The following SORCS1 variants were observed in gnomAD, a reference collection of about 807,000 sequenced individuals.
SORCS1 encodes sortilin related VPS10 domain containing receptor 1, also known as VPS10 domain-containing receptor SorCS1.
A neutral mutation model predicts 146.1 loss-of-function variants in SORCS1; 60 were observed. The observed-to-expected ratio is 0.41, with a 90% CI of 0.33 to 0.51. SORCS1 has a LOEUF of 0.51. SORCS1 is among the 20% of genes least tolerant of loss of function. The pLI, the probability that SORCS1 is intolerant of heterozygous loss-of-function variation, is 0.21. For synonymous variants in SORCS1, 637 were observed against 584.0 expected (o/e 1.09, Z -1.31); for missense variants, 1,352 against 1,487.6 (o/e 0.91, Z 1.50).
intron 1 of SORCS1, among the ~76,000 whole-genome samples, chr10:106,997,692 G>C (rs987684655): frequency 6.6e-6 from 1 of 152,162 alleles, no homozygotes; most frequent in African/African-American, 2.4e-5. Context: ...TGTTTATATA[G>C]ACACTGTGGT....
At chr10:107,076,984 T>C (rs189109663) in intron 1 of SORCS1, among the ~76,000 whole-genome samples, 2 of 152,208 alleles carry the variant, frequency 1.3e-5, no homozygotes, top group Non-Finnish European at 2.9e-5. Flanking sequence ...TTACCTGTTA[T>C]GCTATTTCAA....
chr10:107,179,488 G>C, the SORCS1 span, among the ~76,000 whole-genome samples: 1 of 152,088 alleles, frequency 6.6e-6, no homozygotes, highest in Non-Finnish European at 1.5e-5. Flanking sequence ...TAAACCTCTT[G>C]AGAATGGCAT....
chr10:106,734,193 T>C (rs10786967), intron 5 of SORCS1, among the ~76,000 whole-genome samples: 65,874 of 151,936 alleles, frequency 0.43, 14,351 homozygotes, highest in African/African-American at 0.46. Context: ...TATGTTGAAC[T>C]AGGAAAATGA....
chr10:106,756,983 G>A (rs531849762), intron 5 of SORCS1, among the ~76,000 whole-genome samples: 11 of 152,190 alleles, frequency 7.2e-5, no homozygotes, highest in Middle Eastern at 6.8e-3. Context: ...CTGAGCCCCC[G>A]TCTCCTTGGC....
chr10:106,618,000 A>G, intron 21 of SORCS1, 149 bp downstream of exon 21: 1 of 993,984 alleles, frequency 1.0e-6, no homozygotes. Flanking sequence ...CTACAGGAGA[A>G]GATGAGACTC....
At chr10:106,671,149 T>C (rs912577364) in intron 16 of SORCS1, 88 bp downstream of exon 16, 46 of 1,564,484 alleles carry the variant, frequency 2.9e-5, no homozygotes, top group Non-Finnish European at 3.7e-5. Context: ...CCTATGTATG[T>C]TACTATTATT....
chr10:106,923,503 C>T (rs1227529023), intron 2 of SORCS1, among the ~76,000 whole-genome samples: 1 of 152,150 alleles, frequency 6.6e-6, no homozygotes, highest in Non-Finnish European at 1.5e-5. Context: ...TTGGATCTTA[C>T]AGTAAGATTA....
At position 107,118,616 on chromosome 10, in the gene SORCS1, C is replaced by T. The variant is rs550316075; in HGVS notation, c.558+45353G>A. Among the ~76,000 whole-genome samples, 10 of 152,216 alleles carry T rather than the reference C, an allele frequency of 6.6e-5. No individual in the cohort carries two copies. In the East Asian group the frequency reaches 1.5e-3, roughly 24 times the overall value. On this transcript the variant is annotated intron_variant, in intron 1 of 25. Transcript: ENST00000263054. ...AAATTACATAAAAGGATAAACAGAC[C>T]GATGGGTGACTATACAGATGAATTG... is the stretch of plus-strand genomic sequence containing the variant.
chr10:106,967,601 A>T (rs914677426), intron 1 of SORCS1, among the ~76,000 whole-genome samples: 1 of 152,162 alleles, frequency 6.6e-6, no homozygotes, highest in African/African-American at 2.4e-5. Flanking sequence ...GAATAGGGGG[A>T]GAAGCTGGCA....
At chr10:106,783,554 A>G (rs551798036) in intron 3 of SORCS1, among the ~76,000 whole-genome samples, 3 of 152,230 alleles carry the variant, frequency 2.0e-5, no homozygotes, top group Admixed American at 1.3e-4. Flanking sequence ...TCTCATAAAA[A>G]TATTGCCTAG....
At chr10:107,035,279 C>CCA (rs1958856932) in intron 1 of SORCS1, among the ~76,000 whole-genome samples, 1 of 128,626 alleles carries the variant, frequency 7.8e-6, no homozygotes, top group Admixed American at 7.9e-5. Context: ...AAAAAAACAA[C>CCA]AAAAAAAAAA....
intron 1 of SORCS1, among the ~76,000 whole-genome samples, chr10:107,121,390 A>G (rs1449611329): frequency 6.6e-6 from 1 of 152,216 alleles, no homozygotes; most frequent in Non-Finnish European, 1.5e-5. Flanking sequence ...GAGCAGAAGA[A>G]GCATCCCCAC....
chr10:106,817,371 AAAG>A (rs1178783627), intron 3 of SORCS1, among the ~76,000 whole-genome samples: 1 of 152,174 alleles, frequency 6.6e-6, no homozygotes, highest in Non-Finnish European at 1.5e-5. Context: ...CCCTTTTTAG[AAAG>A]TAGTAGAGAA....
intron 2 of SORCS1, among the ~76,000 whole-genome samples, chr10:106,912,177 C>T (rs1952199282): frequency 6.6e-6 from 1 of 151,822 alleles, no homozygotes; most frequent in Admixed American, 6.6e-5. Flanking sequence ...GCTTCTTCTG[C>T]CACTTTAGGT....
rs146386986 is a variant in SORCS1, at chr10:106,816,505, C to T, written c.726+13069G>A. ...ATACCCAGCTATGCCTAGGGCAGAACGGCCCTGCAATTTAGCAACAAATCA... is the reference window on the plus strand; with the variant it reads ...ATACCCAGCTATGCCTAGGGCAGAATGGCCCTGCAATTTAGCAACAAATCA... On this transcript the variant is annotated intron_variant, in intron 3 of 25. Coordinates refer to ENST00000263054, the MANE Select transcript of SORCS1 (RefSeq NM_052918.5). Among the ~76,000 whole-genome samples, 826 of 152,260 alleles carry T rather than the reference C, an allele frequency of 5.4e-3. 8 individuals are homozygous for T. Among genetic ancestry groups the T allele is most frequent in the African/African-American group, 0.019 (792 of 41,556 alleles).
intron 24 of SORCS1, among the ~76,000 whole-genome samples, chr10:106,592,188 C>G (rs1486560943): frequency 6.6e-6 from 1 of 152,158 alleles, no homozygotes; most frequent in Non-Finnish European, 1.5e-5. Flanking sequence ...AGAAACATAC[C>G]TGTCAGGAGT....
At chr10:107,080,948 C>T (rs933691011) in intron 1 of SORCS1, among the ~76,000 whole-genome samples, 5 of 152,094 alleles carry the variant, frequency 3.3e-5, no homozygotes, top group African/African-American at 1.2e-4. Context: ...TTAAGAGTTA[C>T]TGTGTTAAGT....
intron 10 of SORCS1, among the ~76,000 whole-genome samples, chr10:106,684,498 A>G (rs1216520931): frequency 6.6e-6 from 1 of 152,222 alleles, no homozygotes; most frequent in Non-Finnish European, 1.5e-5. Flanking sequence ...CATTGGACGC[A>G]GGTGGACCAT....
intron 2 of SORCS1, among the ~76,000 whole-genome samples, chr10:106,856,827 T>C (rs982702105): frequency 6.6e-6 from 1 of 152,206 alleles, no homozygotes; most frequent in African/African-American, 2.4e-5. Context: ...AGTTTCTGCT[T>C]GTTGAGTTTC....
Sources: gnomAD v4.1 joint callset for allele counts (sites outside exome capture counted in the v4.1 genomes callset) on GRCh38, gnomAD v4.1.1 for gene constraint, MANE v1.5 for transcripts, NCBI Gene and HGNC (gene_info 2026-07-23, HGNC 2026-07-21) for gene names.